The following MYO5B variants were observed in gnomAD, a reference collection of about 807,000 sequenced individuals.
MYO5B encodes unconventional myosin-Vb.
Under a neutral mutation model 229.3 loss-of-function variants are expected in MYO5B, and 143 were observed. The ratio of observed to expected loss-of-function variants is 0.62; its 90% CI spans 0.54 to 0.72. The LOEUF is 0.72. Among genes scored for constraint, MYO5B ranks in the 30% least tolerant of loss-of-function variants. The pLI is 0.00. For synonymous variants in MYO5B, 918 were observed against 885.2 expected, an observed-to-expected ratio of 1.04 and a Z score of -0.66; for missense variants, 2,321 against 2,331.0, an observed-to-expected ratio of 1.00 and a Z score of 0.09.
At chr18:49,920,606 G>A (rs953293020) in intron 17 of MYO5B, among the ~76,000 whole-genome samples, 5 of 152,142 alleles carry the variant, frequency 3.3e-5, no homozygotes, top group African/African-American at 1.2e-4. Flanking sequence ...CACTGGCTCC[G>A]AGTTGGAGCT....
intron 1 of MYO5B, among the ~76,000 whole-genome samples, chr18:50,107,543 C>T (rs1269306524): frequency 1.3e-5 from 2 of 152,168 alleles, no homozygotes; most frequent in Admixed American, 6.5e-5. Context: ...CCATTACCAT[C>T]CCCTCAATTT....
At chr18:50,087,701 C>A (rs2031361737) in intron 1 of MYO5B, among the ~76,000 whole-genome samples, 1 of 152,090 alleles carries the variant, frequency 6.6e-6, no homozygotes, top group Non-Finnish European at 1.5e-5. Context: ...GCAGAGGTAG[C>A]AACAAGAGGC....
rs748430336 is a variant in MYO5B at position 49,835,358 on chromosome 18, T to C, written c.5380A>G (p.Ile1794Val). The C allele has an allele frequency of 1.9e-6, 3 of 1,609,948 alleles. No homozygotes were observed. Among genetic ancestry groups the C allele is most frequent in the Admixed American group, 3.3e-5 (2 of 60,010 alleles). ...EFEERVTVAF[I>V]RTIQAQLQER... is the part of the protein sequence containing the mutation. ...TTAAAACTCACCTGGATTGTTCGTA[T>C]AAAGGCCACTGTTACCCGTTCTTCA... The change falls in exon 39 of 40, where the codon ATA (isoleucine) becomes GTA (valine). Residue 1794 changes from isoleucine (I) to valine (V), a missense_variant. By Grantham distance (29) the Ile-to-Val change is conservative (BLOSUM62 3). Transcript: ENST00000285039.
chr18:50,165,492 AAGGCC>A (rs1054891389), intron 1 of MYO5B, among the ~76,000 whole-genome samples: 7 of 136,744 alleles, frequency 5.1e-5, no homozygotes, highest in African/African-American at 1.9e-4. Context: ...AAAATAAAGA[AAGGCC>A]AGGCACAGTG....
chr18:50,102,436 G>A (rs1221144476), intron 1 of MYO5B, among the ~76,000 whole-genome samples: 3 of 152,060 alleles, frequency 2.0e-5, no homozygotes, highest in African/African-American at 4.8e-5. Flanking sequence ...GCAGGAATAC[G>A]ATCCAGGTGG....
intron 5 of MYO5B, among the ~76,000 whole-genome samples, chr18:50,000,018 G>A (rs781167656): frequency 7.2e-5 from 11 of 152,346 alleles, no homozygotes; most frequent in South Asian, 2.1e-4. Flanking sequence ...TAGTGAACAC[G>A]TTGTATCCTG....
intron 1 of MYO5B, among the ~76,000 whole-genome samples, chr18:50,077,111 T>C (rs898724342): frequency 1.5e-5 from 2 of 136,632 alleles, no homozygotes; most frequent in Non-Finnish European, 3.0e-5. Context: ...AGAAACAGAA[T>C]GGGGATAGTA....
At chr18:49,906,685 T>C (rs748722164) in intron 18 of MYO5B, 55 bp from the exon 19 acceptor site, 2 of 1,455,952 alleles carry the variant, frequency 1.4e-6, no homozygotes, top group Non-Finnish European at 1.9e-6. Context: ...AGAAATAACA[T>C]GGCCCATACC....
At chr18:49,987,326 G>A (rs536788057) in intron 7 of MYO5B, among the ~76,000 whole-genome samples, 9 of 152,182 alleles carry the variant, frequency 5.9e-5, no homozygotes, top group Non-Finnish European at 7.4e-5. Flanking sequence ...CATCAACTCC[G>A]TCATATCACT....
Position 49,836,729 on chromosome 18 carries a change from G to T in MYO5B, c.5295C>A (p.Thr1765=), listed in dbSNP as rs1404927776. 6.2e-7 allele frequency: 1 copy of T among 1,614,092 alleles called. No individual in the cohort carries two copies. Among genetic ancestry groups the T allele is most frequent in the African/African-American group, 1.3e-5 (1 of 75,030 alleles). Residue 1765 remains threonine, a synonymous_variant, in exon 38 of 40, where the codon ACC becomes ACA. Coordinates refer to ENST00000285039, the MANE Select transcript of MYO5B (RefSeq NM_001080467.3). The part of the protein sequence containing the change: ...EDAEAICSLC[T]SLSTQQIVKI... ...ACTGTACCTGCTGGGTGCTGAGGGAGGTACACAGGGAGCAGATAGCCTCTG... is the reference window on the plus strand; with the variant it reads ...ACTGTACCTGCTGGGTGCTGAGGGATGTACACAGGGAGCAGATAGCCTCTG...
chr18:50,189,518 C>A (rs949855461), intron 1 of MYO5B, among the ~76,000 whole-genome samples: 5 of 152,186 alleles, frequency 3.3e-5, no homozygotes, highest in Non-Finnish European at 7.3e-5. Context: ...CCTATGCACA[C>A]AGGCAAAACA....
intron 1 of MYO5B, among the ~76,000 whole-genome samples, chr18:50,115,662 G>GTA (rs1443585685): frequency 2.6e-5 from 4 of 151,996 alleles, no homozygotes; most frequent in African/African-American, 9.7e-5. Context: ...CTAATGATTA[G>GTA]TATGACTTCA....
chr18:49,939,515 A>G (rs2144218009), intron 14 of MYO5B, among the ~76,000 whole-genome samples: 1 of 152,316 alleles, frequency 6.6e-6, no homozygotes, highest in South Asian at 2.1e-4. Flanking sequence ...CTGAAGAAAC[A>G]ACATAGAATT....
chr18:49,883,988 G>T (rs1598855700), intron 22 of MYO5B, among the ~76,000 whole-genome samples: 1 of 152,074 alleles, frequency 6.6e-6, no homozygotes, highest in Non-Finnish European at 1.5e-5. Flanking sequence ...TAAATGTAAG[G>T]GCTAAAACTA....
At chr18:50,111,457 G>T (rs748031739) in intron 1 of MYO5B, among the ~76,000 whole-genome samples, 1 of 152,146 alleles carries the variant, frequency 6.6e-6, no homozygotes, top group Non-Finnish European at 1.5e-5. Flanking sequence ...GATCCTTCTG[G>T]TTCTCATTCT....
intron 4 of MYO5B, among the ~76,000 whole-genome samples, chr18:50,027,287 G>A (rs1344036195): frequency 6.6e-6 from 1 of 152,124 alleles, no homozygotes; most frequent in African/African-American, 2.4e-5. Flanking sequence ...GTTTGACTTT[G>A]ACATCAGGAA....
At chr18:49,839,102 G>T in intron 36 of MYO5B, 42 bp downstream of exon 36, 1 of 1,610,998 alleles carries the variant, frequency 6.2e-7, no homozygotes, top group South Asian at 1.1e-5. Context: ...CCTCATTTCA[G>T]ACACCATGAT....
At chr18:49,849,339 G>A (rs1001913603) in intron 32 of MYO5B, among the ~76,000 whole-genome samples, 2 of 152,184 alleles carry the variant, frequency 1.3e-5, no homozygotes, top group African/African-American at 4.8e-5. Flanking sequence ...CTTGCTCAGA[G>A]TAAGCACCCA....
At chr18:50,079,582 G>C (rs984568298) in intron 1 of MYO5B, among the ~76,000 whole-genome samples, 1 of 152,180 alleles carries the variant, frequency 6.6e-6, no homozygotes, top group African/African-American at 2.4e-5. Context: ...TCAAATACCT[G>C]TTGGTCTCAC....
Sources: allele counts gnomAD v4.1 joint callset (sites outside exome capture counted in the v4.1 genomes callset), GRCh38; gene constraint gnomAD v4.1.1; transcripts MANE v1.5; gene names NCBI Gene and HGNC (gene_info 2026-07-23, HGNC 2026-07-21).